GPM6A: variants seen among roughly 807,000 people sequenced by gnomAD.
The protein encoded by GPM6A is neuronal membrane glycoprotein M6-a.
In GPM6A, 7 loss-of-function variants were observed where a neutral mutation model predicts 32.1. The ratio of observed to expected loss-of-function variants is 0.22; its 90% CI spans 0.12 to 0.41. The LOEUF (loss-of-function observed/expected upper bound fraction) is 0.41, where lower values mean the gene tolerates loss of function less well. GPM6A is among the 10% of genes least tolerant of loss of function. GPM6A has a pLI of 1.00. For missense variants in GPM6A, 235 were observed against 347.2 expected (o/e 0.68, Z 2.57); for synonymous variants, 130 against 123.4 (o/e 1.05, Z -0.35).
chr4:175,673,314 CA>C (rs1743183148), intron 3 of GPM6A, among the ~76,000 whole-genome samples: 1 of 151,398 alleles, frequency 6.6e-6, no homozygotes, highest in Non-Finnish European at 1.5e-5. Flanking sequence ...CAGTAAAATA[CA>C]GAGACATATG....
In GPM6A at chr4:175,662,030, A is replaced by G. The variant is rs189293524; in HGVS notation, c.388-10043T>C. 4.1e-4 allele frequency among the ~76,000 whole-genome samples: 63 copies of G among 152,352 alleles called. No individual in the cohort carries two copies. In the East Asian group the frequency reaches 0.012, roughly 28 times the overall value. On this transcript the variant is annotated intron_variant, in intron 3 of 6. Transcript: ENST00000393658. ...GAAATGATAAATTTTTTTAAAAAAA[A>G]TTACATCCAGGTTTGTGATAGGAAA...
rs895081688 is a variant in GPM6A, at chr4:175,713,930, G to A, written c.38-12163C>T. Among the ~76,000 whole-genome samples, 5 of 151,936 alleles carry A rather than the reference G, an allele frequency of 3.3e-5. No individual in the cohort carries two copies. In the East Asian group the frequency reaches 9.7e-4, roughly 29 times the overall value. Reference sequence around the variant, plus strand: ...TCCAATTTCCATCTTTTGTCTGTTTGTTCTACTTTGTCATAGATTTTTTTT... The same window carrying A: ...TCCAATTTCCATCTTTTGTCTGTTTATTCTACTTTGTCATAGATTTTTTTT... On this transcript the variant is annotated intron_variant, in intron 1 of 6. Coordinates refer to ENST00000393658, the MANE Select transcript of GPM6A (RefSeq NM_201591.3).
At chr4:175,950,359 C>T (rs1013368124) in intron 1 of GPM6A, among the ~76,000 whole-genome samples, 3 of 151,908 alleles carry the variant, frequency 2.0e-5, no homozygotes, top group Non-Finnish European at 4.4e-5. Flanking sequence ...TACAAAAGTG[C>T]CATTGATTCC....
intron 1 of GPM6A, among the ~76,000 whole-genome samples, chr4:175,893,886 A>T (rs1272064385): frequency 3.3e-5 from 5 of 152,296 alleles, no homozygotes; most frequent in East Asian, 3.9e-4. Flanking sequence ...GGTAAGAAAA[A>T]GCGATATAAA....
chr4:175,905,849 T>C (rs1041303736), intron 1 of GPM6A, among the ~76,000 whole-genome samples: 10 of 152,242 alleles, frequency 6.6e-5, no homozygotes, highest in Middle Eastern at 3.4e-3. Context: ...TTTTGTCCTT[T>C]CGTCATTAAG....
intron 1 of GPM6A, among the ~76,000 whole-genome samples, chr4:175,830,442 T>C (rs1735574147): frequency 6.6e-6 from 1 of 152,218 alleles, no homozygotes; most frequent in African/African-American, 2.4e-5. Flanking sequence ...CTAATGCTTA[T>C]ATAAGCCCTT....
Position 175,833,240 on chromosome 4 carries a change from G to A in GPM6A, c.-22-20991C>T, listed in dbSNP as rs1302893419. Reference sequence around the variant, plus strand: ...TGGATAAAGACTCCTGGGGGTGGGCGGGCTAAAGAAAGAAGACAGAATGAT... The same window carrying A: ...TGGATAAAGACTCCTGGGGGTGGGCAGGCTAAAGAAAGAAGACAGAATGAT... On this transcript the variant is annotated intron_variant, in intron 1 of 7. Coordinates refer to the GPM6A transcript ENST00000280187. 2.6e-5 allele frequency among the ~76,000 whole-genome samples: 4 copies of A among 152,012 alleles called. No homozygotes were observed. The East Asian group carries it at 5.8e-4, about 22-fold the overall frequency.
At chr4:175,676,487 G>A (rs561480746) in intron 2 of GPM6A, among the ~76,000 whole-genome samples, 3 of 152,304 alleles carry the variant, frequency 2.0e-5, no homozygotes, top group South Asian at 2.1e-4. Flanking sequence ...AGTGGCTCAC[G>A]CCTGCAATCC....
chr4:175,928,850 T>C (rs1239958647), intron 1 of GPM6A, among the ~76,000 whole-genome samples: 1 of 152,226 alleles, frequency 6.6e-6, no homozygotes, highest in African/African-American at 2.4e-5. Context: ...ACATTTCTAC[T>C]TAGTATTAAA....
At chr4:175,997,686 A>T (rs1431324899) in intron 1 of GPM6A, among the ~76,000 whole-genome samples, 1 of 152,186 alleles carries the variant, frequency 6.6e-6, no homozygotes, top group East Asian at 1.9e-4. Context: ...CCTGAAAAAA[A>T]AGGTATGAGC....
At position 175,745,076 on chromosome 4, in the gene GPM6A, A is replaced by G. The variant is rs1385835803; in HGVS notation, c.38-43309T>C. Among the ~76,000 whole-genome samples, 4 of 146,356 alleles carry G rather than the reference A, an allele frequency of 2.7e-5. No homozygotes were observed. The South Asian group carries it at 6.3e-4, about 23-fold the overall frequency. On this transcript the variant is annotated intron_variant, in intron 1 of 6. Coordinates refer to ENST00000393658, the MANE Select transcript of GPM6A (RefSeq NM_201591.3). ...CACTGTCTTATCTACTGCAGGAGCCATAAAGATGAAGATAAGAAAGAAATA... is the reference window on the plus strand; with the variant it reads ...CACTGTCTTATCTACTGCAGGAGCCGTAAAGATGAAGATAAGAAAGAAATA...
At chr4:175,983,433 C>T (rs1740874314) in intron 1 of GPM6A, among the ~76,000 whole-genome samples, 1 of 152,086 alleles carries the variant, frequency 6.6e-6, no homozygotes. Flanking sequence ...TTTAAAATGT[C>T]CTTTAACAGG....
At chr4:175,678,008 G>A (rs1300930100) in intron 2 of GPM6A, among the ~76,000 whole-genome samples, 1 of 152,060 alleles carries the variant, frequency 6.6e-6, no homozygotes, top group African/African-American at 2.4e-5. Context: ...TCTTCCTTTA[G>A]CACATGTATT....
At chr4:175,842,840 T>C (rs1251289094) in intron 1 of GPM6A, among the ~76,000 whole-genome samples, 1 of 152,118 alleles carries the variant, frequency 6.6e-6, no homozygotes, top group Non-Finnish European at 1.5e-5. Flanking sequence ...AGTTATACTT[T>C]AATATGAATT....
intron 1 of GPM6A, among the ~76,000 whole-genome samples, chr4:175,799,855 TA>T (rs1244826017): frequency 1.3e-5 from 2 of 151,806 alleles, no homozygotes; most frequent in African/African-American, 4.8e-5. Flanking sequence ...TTTGTATTTT[TA>T]GTAGAGACGG....
intron 3 of GPM6A, among the ~76,000 whole-genome samples, chr4:175,661,331 A>G (rs1579354282): frequency 6.6e-6 from 1 of 151,516 alleles, no homozygotes; most frequent in East Asian, 2.0e-4. Context: ...GCTACTTGGG[A>G]GGCTGAGCCA....
chr4:175,969,592 T>C (rs1339809061), intron 1 of GPM6A, among the ~76,000 whole-genome samples: 1 of 152,068 alleles, frequency 6.6e-6, no homozygotes, highest in East Asian at 1.9e-4. Context: ...GCACTTGTAA[T>C]CCCAGCTACT....
chr4:175,803,161 C>T (rs960999258), intron 1 of GPM6A, among the ~76,000 whole-genome samples: 3 of 94,306 alleles, frequency 3.2e-5, no homozygotes, highest in African/African-American at 7.3e-5. Context: ...CTCCTGTTCT[C>T]GTTTCATCAT....
At chr4:175,837,157 A>G (rs192650068) in intron 1 of GPM6A, among the ~76,000 whole-genome samples, 105 of 152,244 alleles carry the variant, frequency 6.9e-4, no homozygotes, top group Admixed American at 1.8e-3. Context: ...GAAAGATGCT[A>G]TGCTTCTGGC....
Sources: gnomAD v4.1 joint callset for allele counts (sites outside exome capture counted in the v4.1 genomes callset) on GRCh38, gnomAD v4.1.1 for gene constraint, MANE v1.5 for transcripts, NCBI Gene and HGNC (gene_info 2026-07-23, HGNC 2026-07-21) for gene names.